The following CLTCL1 variants were observed in gnomAD, a reference collection of about 807,000 sequenced individuals.
CLTCL1 encodes clathrin heavy chain like 1.
A neutral mutation model predicts 190.0 loss-of-function variants in CLTCL1; 159 were observed. The ratio of observed to expected loss-of-function variants is 0.84; its 90% confidence interval spans 0.74 to 0.95. The LOEUF (loss-of-function observed/expected upper bound fraction) is 0.95, where lower values mean the gene tolerates loss of function less well. Among genes scored for constraint, CLTCL1 ranks in the 40% least tolerant of loss-of-function variants. The pLI is 0.00. For synonymous variants in CLTCL1, 752 were observed against 769.6 expected (o/e 0.98, Z 0.38); for missense variants, 1,878 against 2,033.4 (o/e 0.92, Z 1.47).
Position 19,234,635 on chromosome 22 carries a change from A to G in CLTCL1, c.1041T>C (p.Leu347=). The G allele has an allele frequency of 6.2e-7, 1 of 1,614,024 alleles. No homozygotes were observed. The highest frequency in any genetic ancestry group is 8.5e-7 in the Non-Finnish European group (1 of 1,179,892). The change falls in exon 7 of 33, where the codon CTT becomes CTC. Residue 347 remains leucine, a synonymous_variant. Transcript: ENST00000427926. Reference sequence around the variant, plus strand: ...TACTACGAACGGCCAAACGCAGACCAAGGTCTGGATTCTGAAGCACGTTGG... The same window carrying G: ...TACTACGAACGGCCAAACGCAGACCGAGGTCTGGATTCTGAAGCACGTTGG... ...YATNVLQNPD[L]GLRLAVRSNL...
In CLTCL1 at chr22:19,221,592, AG is replaced by A; in HGVS notation, c.2580del (p.Trp861GlyfsTer34). Reference sequence around the variant, plus strand: ...CCTTCCTGAATCTGGGACTCCAGCCAGGGAAGCAGCAGCTTGAGCCTTTGAA... The same window carrying A: ...CCTTCCTGAATCTGGGACTCCAGCCAGGAAGCAGCAGCTTGAGCCTTTGAA... The part of the protein sequence containing the change: ...EKRNRLKLLL[P>X]WLESQIQEGC... On this transcript the variant is annotated frameshift_variant, in exon 17 of 33. Transcript: ENST00000427926. LOFTEE classifies it high-confidence loss of function. 6.3e-7 allele frequency: 1 copy of A among 1,592,074 alleles called. No individual in the cohort carries two copies.
rs2085655661 is a variant in CLTCL1 at position 19,223,920 on chromosome 22, T to C, written c.2263A>G (p.Asn755Asp). 2 of 1,613,802 alleles carry C rather than the reference T, an allele frequency of 1.2e-6. No homozygotes were observed. Among genetic ancestry groups the C allele is most frequent in the Non-Finnish European group, 1.7e-6 (2 of 1,179,902 alleles). ...ERICRESSCY[N>D]PERVKNFLKE... ...AGGAAGTTCTTCACACGCTCTGGGT[T>C]GTAGCAGCTGCTCTCTCGGCATATC... Residue 755 changes from asparagine to aspartate, a missense_variant, in exon 14 of 33, where the codon AAC becomes GAC. Coordinates refer to ENST00000427926, the MANE Select transcript of CLTCL1 (RefSeq NM_007098.4).
At chr22:19,258,417 T>C in intron 2 of CLTCL1, 1 of 399,716 alleles carries the variant, frequency 2.5e-6, no homozygotes, top group Non-Finnish European at 4.8e-6. Context: ...AGAGCTGAGA[T>C]GTCCAGTCCA....
chr22:19,195,632 A>T lies in CLTCL1; in HGVS notation c.4191+634T>A, dbSNP rs539885910. Reference sequence around the variant, plus strand: ...TAAAGAATTCCAGCCCCTTCACCAAACTCACATACAGAGCTGGAGAGGGGT... The same window carrying T: ...TAAAGAATTCCAGCCCCTTCACCAATCTCACATACAGAGCTGGAGAGGGGT... On this transcript the variant is annotated intron_variant, in intron 26 of 32. Coordinates refer to ENST00000427926, the MANE Select transcript of CLTCL1 (RefSeq NM_007098.4). Among the ~76,000 whole-genome samples, 9 of 151,780 alleles carry T rather than the reference A, an allele frequency of 5.9e-5. No homozygotes were observed. In the South Asian group the frequency reaches 1.7e-3, roughly 28 times the overall value.
intron 11 of CLTCL1, 67 bp from the exon 12 acceptor site, chr22:19,226,450 A>G: frequency 2.5e-6 from 4 of 1,582,882 alleles, no homozygotes; most frequent in Non-Finnish European, 3.5e-6. Context: ...CCAGCTGCTC[A>G]ATCTTGCCCC....
chr22:19,250,080 A>G, intron 3 of CLTCL1: 1 of 215,632 alleles, frequency 4.6e-6, no homozygotes, highest in East Asian at 1.1e-4. Context: ...ATGATGAAAC[A>G]CTGTCTCTAC....
intron 2 of CLTCL1, among the ~76,000 whole-genome samples, chr22:19,273,472 C>A (rs141504706): frequency 1.4e-4 from 21 of 152,148 alleles, no homozygotes; most frequent in African/African-American, 4.1e-4. Context: ...CTGGCAATCA[C>A]AGCAAGGCCA....
chr22:19,249,941 T>C (rs537728086), intron 3 of CLTCL1: 3 of 434,902 alleles, frequency 6.9e-6, no homozygotes, highest in Non-Finnish European at 1.4e-5. Flanking sequence ...TTTCGTGGCA[T>C]ATTATTATTA....
At chr22:19,185,901 G>A (rs1244085715) in intron 29 of CLTCL1, among the ~76,000 whole-genome samples, 5 of 152,242 alleles carry the variant, frequency 3.3e-5, no homozygotes, top group African/African-American at 9.6e-5. Flanking sequence ...CAGGTCCAGA[G>A]ACCTCCAGGT....
At chr22:19,184,753 G>C (rs1299087583) in intron 29 of CLTCL1, 2 of 343,002 alleles carry the variant, frequency 5.8e-6, no homozygotes, top group Non-Finnish European at 1.2e-5. Flanking sequence ...CCTTCCCAGA[G>C]GACTTCCAGT....
At chr22:19,275,862 T>G (rs200706195) in intron 1 of CLTCL1, 32 bp from the exon 2 acceptor site, 14 of 1,550,872 alleles carry the variant, frequency 9.0e-6, no homozygotes, top group Admixed American at 3.9e-5. Flanking sequence ...GATTAAATTT[T>G]TTTCCTCTGA....
chr22:19,185,970 C>T (rs2084302865), intron 29 of CLTCL1, among the ~76,000 whole-genome samples: 1 of 152,218 alleles, frequency 6.6e-6, no homozygotes, highest in Non-Finnish European at 1.5e-5. Context: ...GCCCTGTGGG[C>T]ACCTCAGGAA....
intron 2 of CLTCL1, among the ~76,000 whole-genome samples, chr22:19,265,703 C>T (rs2087101213): frequency 6.6e-6 from 1 of 152,052 alleles, no homozygotes; most frequent in Non-Finnish European, 1.5e-5. Context: ...CATAAAAATA[C>T]ACATACATAC....
intron 3 of CLTCL1, among the ~76,000 whole-genome samples, chr22:19,248,686 T>G (rs975198835): frequency 1.3e-5 from 2 of 152,210 alleles, no homozygotes; most frequent in African/African-American, 2.4e-5. Flanking sequence ...CTGGCATCTT[T>G]CACTTAGCTT....
At chr22:19,249,098 C>G (rs1216765303) in intron 3 of CLTCL1, among the ~76,000 whole-genome samples, 1 of 152,292 alleles carries the variant, frequency 6.6e-6, no homozygotes, top group Non-Finnish European at 1.5e-5. Flanking sequence ...AATGATCATG[C>G]CTATAATCCC....
At chr22:19,233,123 A>G (rs2085965510) in intron 9 of CLTCL1, 43 bp downstream of exon 9, 1 of 1,584,474 alleles carries the variant, frequency 6.3e-7, no homozygotes, top group African/African-American at 1.3e-5. Context: ...ACTCAACCAC[A>G]CGTGAGTAAT....
intron 22 of CLTCL1, 150 bp from the exon 23 acceptor site, chr22:19,201,643 G>T: frequency 1.1e-6 from 1 of 876,280 alleles, no homozygotes; most frequent in Non-Finnish European, 1.7e-6. Flanking sequence ...GATGAAGTTG[G>T]CCTTGGCTTT....
At chr22:19,267,216 G>C (rs1158749214) in intron 2 of CLTCL1, among the ~76,000 whole-genome samples, 1 of 151,944 alleles carries the variant, frequency 6.6e-6, no homozygotes, top group Non-Finnish European at 1.5e-5. Flanking sequence ...AAATAAGTCT[G>C]TATATAATAA....
chr22:19,257,476 G>C (rs1483156302), intron 2 of CLTCL1: 9 of 235,604 alleles, frequency 3.8e-5, no homozygotes, highest in African/African-American at 2.1e-4. Context: ...TAAAATCACA[G>C]GCAGAACCTG....
Sources: gnomAD v4.1 joint callset for allele counts (sites outside exome capture counted in the v4.1 genomes callset) on GRCh38, gnomAD v4.1.1 for gene constraint, MANE v1.5 for transcripts, NCBI Gene and HGNC (gene_info 2026-07-23, HGNC 2026-07-21) for gene names.